The following CNTNAP2 variants were observed in gnomAD, a reference collection of about 807,000 sequenced individuals.
The protein encoded by CNTNAP2 is contactin associated protein 2.
CNTNAP2 carries 98 observed loss-of-function variants against 155.2 expected under a neutral mutation model. That is an observed-to-expected ratio of 0.63 (90% confidence interval 0.54 to 0.75). CNTNAP2 has a LOEUF of 0.75. Among genes scored for constraint, CNTNAP2 ranks in the 30% least tolerant of loss-of-function variants. The pLI, the probability that CNTNAP2 is intolerant of heterozygous loss-of-function variation, is 0.00. For synonymous variants in CNTNAP2, 651 were observed against 631.2 expected, an observed-to-expected ratio of 1.03 and a Z score of -0.47; for missense variants, 1,727 against 1,688.1, an observed-to-expected ratio of 1.02 and a Z score of -0.40.
intron 1 of CNTNAP2, among the ~76,000 whole-genome samples, chr7:146,189,147 T>TA (rs1166436847): frequency 6.6e-6 from 1 of 152,204 alleles, no homozygotes; most frequent in East Asian, 1.9e-4. Context: ...TTAGACATTT[T>TA]CTAATTCTCT....
chr7:146,280,548 T>C (rs1308330569), intron 1 of CNTNAP2, among the ~76,000 whole-genome samples: 1 of 152,128 alleles, frequency 6.6e-6, no homozygotes, highest in Admixed American at 6.5e-5. Flanking sequence ...AATTAGGTAC[T>C]AGTAATGAAC....
intron 13 of CNTNAP2, among the ~76,000 whole-genome samples, chr7:147,692,502 A>T (rs1297911601): frequency 6.6e-6 from 1 of 152,102 alleles, no homozygotes; most frequent in African/African-American, 2.4e-5. Context: ...ATTGCTTCAC[A>T]TTCTTGGCAG....
At chr7:146,405,522 A>G (rs558816139) in intron 1 of CNTNAP2, among the ~76,000 whole-genome samples, 6 of 152,368 alleles carry the variant, frequency 3.9e-5, no homozygotes, top group Admixed American at 1.3e-4. Flanking sequence ...TATAAGGGCC[A>G]TTGAATTTAA....
intron 1 of CNTNAP2, among the ~76,000 whole-genome samples, chr7:146,127,956 A>G (rs913269544): frequency 1.3e-5 from 2 of 152,212 alleles, no homozygotes; most frequent in African/African-American, 4.8e-5. Flanking sequence ...AAGTATAAAA[A>G]TAGTTACTTC....
At chr7:148,161,934 C>T (rs78203253) in intron 17 of CNTNAP2, among the ~76,000 whole-genome samples, 2,908 of 152,248 alleles carry the variant, frequency 0.019, 86 homozygotes, top group African/African-American at 0.066. Context: ...GCTTGGATGG[C>T]TGACATACCC....
chr7:147,157,285 A>G (rs1184491073), intron 8 of CNTNAP2, among the ~76,000 whole-genome samples: 1 of 152,104 alleles, frequency 6.6e-6, no homozygotes, highest in Non-Finnish European at 1.5e-5. Context: ...TTGACATGCA[A>G]ATATTTCTGA....
chr7:147,101,191 C>T (rs961710749), intron 4 of CNTNAP2, among the ~76,000 whole-genome samples: 2 of 152,194 alleles, frequency 1.3e-5, no homozygotes, highest in African/African-American at 4.8e-5. Context: ...GGAGCTATAT[C>T]ATTGAGGGTG....
At chr7:147,302,986 G>A (rs888146131) in intron 9 of CNTNAP2, among the ~76,000 whole-genome samples, 2 of 152,212 alleles carry the variant, frequency 1.3e-5, no homozygotes, top group African/African-American at 2.4e-5. Context: ...CCGAAGCAGC[G>A]ACGCTGAATG....
intron 9 of CNTNAP2, among the ~76,000 whole-genome samples, chr7:147,382,034 A>G (rs187101878): frequency 2.0e-5 from 3 of 152,174 alleles, no homozygotes; most frequent in East Asian, 3.9e-4. Context: ...TACCAAATTA[A>G]TTTTCATTAA....
intron 13 of CNTNAP2, among the ~76,000 whole-genome samples, chr7:147,656,408 T>C (rs1469517608): frequency 2.0e-5 from 3 of 152,234 alleles, no homozygotes; most frequent in Non-Finnish European, 4.4e-5. Flanking sequence ...TAGCTTTTGA[T>C]TTAAATTGAG....
intron 1 of CNTNAP2, among the ~76,000 whole-genome samples, chr7:146,407,513 C>T (rs533079749): frequency 1.1e-4 from 17 of 152,224 alleles, no homozygotes; most frequent in African/African-American, 3.9e-4. Flanking sequence ...CAATCTTGTG[C>T]AATCATTTTG....
chr7:146,815,883 A>G (rs1238659951), intron 2 of CNTNAP2, among the ~76,000 whole-genome samples: 1 of 152,016 alleles, frequency 6.6e-6, no homozygotes, highest in Admixed American at 6.5e-5. Context: ...TACATTAGGT[A>G]TTTCTCTTAA....
At chr7:146,745,512 T>A (rs1037776463) in intron 1 of CNTNAP2, among the ~76,000 whole-genome samples, 2 of 152,070 alleles carry the variant, frequency 1.3e-5, no homozygotes, top group Non-Finnish European at 2.9e-5. Flanking sequence ...CTGGGCGCGG[T>A]AATCCCAGCA....
chr7:148,302,175 A>T (rs1797402834), intron 21 of CNTNAP2, among the ~76,000 whole-genome samples: 1 of 152,198 alleles, frequency 6.6e-6, no homozygotes, highest in Non-Finnish European at 1.5e-5. Flanking sequence ...TGGCTCATCT[A>T]GCAGGCTGAG....
At chr7:147,247,997 G>A (rs11763492) in intron 8 of CNTNAP2, among the ~76,000 whole-genome samples, 29,398 of 152,096 alleles carry the variant, frequency 0.19, 3,133 homozygotes, top group Non-Finnish European at 0.23. Context: ...AGAAAATACA[G>A]TTTCTCTCCT....
chr7:148,026,530 A>G (rs1251833636), intron 15 of CNTNAP2, among the ~76,000 whole-genome samples: 2 of 152,222 alleles, frequency 1.3e-5, no homozygotes, highest in African/African-American at 4.8e-5. Flanking sequence ...AAAGTGAGAC[A>G]CAACCTGAGT....
intron 4 of CNTNAP2, among the ~76,000 whole-genome samples, chr7:147,056,058 A>G (rs1207400062): frequency 6.6e-6 from 1 of 152,228 alleles, no homozygotes; most frequent in Non-Finnish European, 1.5e-5. Context: ...AATTTGATTT[A>G]ACAATCCGAA....
chr7:147,122,735 T>C (rs1801146849), intron 6 of CNTNAP2: 2 of 152,128 alleles, frequency 1.3e-5, no homozygotes, highest in Non-Finnish European at 2.9e-5. Flanking sequence ...GTCCAAAAGG[T>C]GTCAAATATT....
At chr7:146,230,169 C>CA (rs1213199733) in intron 1 of CNTNAP2, among the ~76,000 whole-genome samples, 3 of 152,094 alleles carry the variant, frequency 2.0e-5, no homozygotes, top group South Asian at 2.1e-4. Context: ...AAAAAGAAAA[C>CA]AAAAAATGCC....
Sources: allele counts gnomAD v4.1 joint callset (sites outside exome capture counted in the v4.1 genomes callset), GRCh38; gene constraint gnomAD v4.1.1; transcripts MANE v1.5; gene names NCBI Gene and HGNC (gene_info 2026-07-23, HGNC 2026-07-21).